Variants in PPM1K observed in about 807,000 individuals in gnomAD.
The protein encoded by PPM1K is protein phosphatase Mn(2+)-dependent 1K.
In PPM1K, 19 loss-of-function variants were observed where a neutral mutation model predicts 32.6. The ratio of observed to expected loss-of-function variants is 0.58; its 90% CI spans 0.41 to 0.86. PPM1K has a LOEUF of 0.86. Among genes scored for constraint, PPM1K ranks in the 40% least tolerant of loss-of-function variants. The probability of loss-of-function intolerance (pLI) is 0.00; values close to 1 mark genes in which losing one functional copy is unlikely to be tolerated. For missense variants in PPM1K, 362 were observed against 461.2 expected, an observed-to-expected ratio of 0.78 and a Z score of 1.97; for synonymous variants, 159 against 165.3, an observed-to-expected ratio of 0.96 and a Z score of 0.29.
chr4:88,271,205 C>T (rs558564041), intron 3 of PPM1K: 71 of 490,246 alleles, frequency 1.4e-4, no homozygotes, highest in African/African-American at 1.2e-3. Flanking sequence ...ACAAATAACA[C>T]GCACAGAGGC....
chr4:88,275,268 T>A lies in PPM1K; in HGVS notation c.541+1875A>T, dbSNP rs544073748. On this transcript the variant is annotated intron_variant, in intron 3 of 6. Coordinates refer to ENST00000608933, the MANE Select transcript of PPM1K (RefSeq NM_152542.5). The stretch of plus-strand genomic sequence containing the variant: ...TGCACAAGGACCATGCTGATCTCTG[T>A]ATCATTCCAATTTTAGTGTATGTGC... 6.5e-6 allele frequency: 5 copies of A among 766,950 alleles called. No individual in the cohort carries two copies. In the South Asian group the frequency reaches 3.0e-4, roughly 46 times the overall value. 47.5% of individuals were successfully genotyped at this position (766,950 alleles called of 1,614,324 possible). A position where few individuals can be genotyped will look rare whatever the true frequency, so the allele number is the denominator to read the frequency against.
At chr4:88,266,633 T>TGCTGATTGGGTGCAGGTGATGCTG (rs1167725561) in intron 5 of PPM1K, among the ~76,000 whole-genome samples, 13 of 141,810 alleles carry the variant, frequency 9.2e-5, no homozygotes, top group Non-Finnish European at 1.7e-4. Flanking sequence ...GTGCAGGTGA[T>TGCTGATTGGGTGCAGGTGATGCTG]GCTGATTGGG....
chr4:88,269,310 A>G (rs1285194068), intron 3 of PPM1K, among the ~76,000 whole-genome samples: 1 of 152,194 alleles, frequency 6.6e-6, no homozygotes, highest in Admixed American at 6.5e-5. Flanking sequence ...ACTTGAGCCC[A>G]TGGAGGCAAG....
rs1731077235 is a variant in PPM1K, at chr4:88,260,509, G to T, written c.*2086C>A. 1 of 151,902 alleles carries T rather than the reference G, an allele frequency of 6.6e-6. No individual in the cohort carries two copies. Among genetic ancestry groups the T allele is most frequent in the African/African-American group, 2.4e-5 (1 of 41,340 alleles). 9.4% of individuals were successfully genotyped at this position (151,902 alleles called of 1,614,324 possible). On this transcript the variant is annotated 3_prime_UTR_variant, in exon 7 of 7. Coordinates refer to ENST00000608933, the MANE Select transcript of PPM1K (RefSeq NM_152542.5). The stretch of plus-strand genomic sequence containing the variant: ...TTTCCCGCTTTAGTTGCCTCCCTTT[G>T]GTTCCTCACCTCTCAGACAACAAAC...
intron 1 of PPM1K, among the ~76,000 whole-genome samples, chr4:88,282,518 A>G (rs893971): frequency 0.32 from 48,872 of 152,154 alleles, 8,702 homozygotes; most frequent in Non-Finnish European, 0.4. Flanking sequence ...TAGAAAATCA[A>G]TTAAGGCATC....
intron 3 of PPM1K, among the ~76,000 whole-genome samples, chr4:88,273,563 C>T (rs1255561650): frequency 6.6e-6 from 1 of 152,000 alleles, no homozygotes; most frequent in Non-Finnish European, 1.5e-5. Flanking sequence ...CGCCTATAAT[C>T]CCAGGTACTT....
rs1467387265 is a variant in PPM1K, at chr4:88,278,296, C to T, written c.288G>A (p.Gly96=). 1.2e-6 allele frequency: 2 copies of T among 1,614,040 alleles called. No individual in the cohort carries two copies. The highest frequency in any genetic ancestry group is 4.5e-5 in the East Asian group (2 of 44,904). The change falls in exon 2 of 7, where the codon GGG becomes GGA. Residue 96 remains glycine (G), a synonymous_variant. Transcript: ENST00000608933. This position sits in a 1 kb window ranked among gnomAD's most constrained non-coding sequence, Gnocchi z 4.2. ...PIPKISLENV[G]CASQIGKRKE... ...TCCGTTTGCCAATCTGTGAGGCGCA[C>T]CCCACATTTTCCAAGCTGATTTTGG... is the stretch of plus-strand genomic sequence containing the variant.
rs189367469 is a variant in PPM1K at position 88,280,410 on chromosome 4, G to A, written c.-59-1768C>T. On this transcript the variant is annotated intron_variant, in intron 1 of 6. Transcript: ENST00000608933. ...ATAGAAGGCTGAAATTCATTTCTTC[G>A]TAAGACAACATTGTTGGGGGGTTGG... Among the ~76,000 whole-genome samples, 725 of 152,294 alleles carry A rather than the reference G, an allele frequency of 4.8e-3. 6 individuals carry two copies. The highest frequency in any genetic ancestry group is 0.018 in the South Asian group (85 of 4,830).
chr4:88,261,694 CTTTTTTTTT>C lies in PPM1K; in HGVS notation c.*892_*900del, dbSNP rs766683081. The stretch of plus-strand genomic sequence containing the variant: ...TCATCTGAATTAATTTCTTTTCTTT[CTTTTTTTTT>C]TTTTTTTTGAGATGGAGTTTTTCGC... On this transcript the variant is annotated 3_prime_UTR_variant, in exon 7 of 7. Coordinates refer to ENST00000608933, the MANE Select transcript of PPM1K (RefSeq NM_152542.5). The C allele has an allele frequency of 1.5e-5, 2 of 135,384 alleles. No homozygotes were observed. Among genetic ancestry groups the C allele is most frequent in the East Asian group, 4.1e-4 (2 of 4,874 alleles). 8.4% of individuals were successfully genotyped at this position (135,384 alleles called of 1,614,324 possible).
chr4:88,280,621 G>C (rs977957334), intron 1 of PPM1K, among the ~76,000 whole-genome samples: 3 of 152,174 alleles, frequency 2.0e-5, no homozygotes, highest in African/African-American at 7.2e-5. Context: ...AAATTAGTCA[G>C]GCGTGGTTCC....
chr4:88,272,702 T>A (rs901981067), intron 3 of PPM1K, among the ~76,000 whole-genome samples: 2 of 152,206 alleles, frequency 1.3e-5, no homozygotes, highest in African/African-American at 4.8e-5. Flanking sequence ...TAAGGACAGG[T>A]TGAAAATGCA....
intron 5 of PPM1K, among the ~76,000 whole-genome samples, chr4:88,265,442 GCT>G (rs1731268255): frequency 6.6e-6 from 1 of 152,154 alleles, no homozygotes. Flanking sequence ...CCCTGCACAT[GCT>G]CTCTTGCCTG....
chr4:88,275,386 CTTT>C (rs1437999864), intron 3 of PPM1K: 2 of 979,528 alleles, frequency 2.0e-6, no homozygotes, highest in African/African-American at 3.5e-5. Flanking sequence ...TAGAAAGTTT[CTTT>C]TAAGATAGGC....
intron 2 of PPM1K, chr4:88,277,520 T>C (rs981816928): frequency 6.0e-6 from 2 of 331,780 alleles, no homozygotes; most frequent in Admixed American, 4.4e-5. Context: ...TTCCTTCCCA[T>C]TGTGAGTTCT....
intron 1 of PPM1K, chr4:88,283,764 G>A (rs1008126103): frequency 6.6e-6 from 1 of 152,518 alleles, no homozygotes. Context: ...CGGACCTCCT[G>A]AAAAGCTCAC....
chr4:88,268,426 T>A lies in PPM1K; in HGVS notation c.708-92A>T, dbSNP rs561635765. On this transcript the variant is annotated intron_variant, in intron 4 of 6. Transcript: ENST00000608933. The stretch of plus-strand genomic sequence containing the variant: ...TCACGAGGTCAGGAGATCGAGACCA[T>A]CCTGGCTAACACGGTGAAACCCCGT... The A allele has an allele frequency of 5.6e-6, 8 of 1,434,014 alleles. No homozygotes were observed. The African/African-American group carries it at 1.1e-4, about 20-fold the overall frequency. The allele number at this position is 1,434,014 out of a possible 1,614,324, so 88.8% of individuals were successfully genotyped here. A position where few individuals can be genotyped will look rare whatever the true frequency, so the allele number is the denominator to read the frequency against.
rs1732159942 is a variant in PPM1K at position 88,284,461 on chromosome 4, A to T, written c.-115T>A. ...TTAATTAGCTAACGGAGGACGGGGG[A>T]GGAGCTTTCTTGGTCGGTAAATAAG... On this transcript the variant is annotated 5_prime_UTR_variant, in exon 1 of 7. Transcript: ENST00000608933. The T allele has an allele frequency of 6.6e-6, 1 of 152,270 alleles. No homozygotes were observed. Among genetic ancestry groups the T allele is most frequent in the Non-Finnish European group, 1.5e-5 (1 of 68,114 alleles). The allele number at this position is 152,270 out of a possible 1,614,324, so 9.4% of individuals were successfully genotyped here.
At position 88,277,192 on chromosome 4, in the gene PPM1K, A is replaced by G; in HGVS notation, c.492T>C (p.Phe164=). 1 of 1,614,122 alleles carries G rather than the reference A, an allele frequency of 6.2e-7. No individual in the cohort carries two copies. The highest frequency in any genetic ancestry group is 1.1e-5 in the South Asian group (1 of 91,082). The part of the protein sequence containing the change: ...KNLETLLTLA[F]LEIDKAFSSH... ...TCGAAAAGGCTTTATCTATTTCTAG[A>G]AAAGCCAAGGTCAACAGAGTTTCCA... Residue 164 remains phenylalanine (F), a synonymous_variant, in exon 3 of 7, where the codon TTT becomes TTC. Coordinates refer to ENST00000608933, the MANE Select transcript of PPM1K (RefSeq NM_152542.5).
Position 88,257,766 on chromosome 4 carries a change from C to T in PPM1K, c.*4829G>A, listed in dbSNP as rs1252642689. On this transcript the variant is annotated 3_prime_UTR_variant, in exon 7 of 7. Transcript: ENST00000608933. ...AACTCACTGCAGGAGTCATTATACA[C>T]TCAGGTAGTACTTTGGTAAATTACA... The T allele has an allele frequency of 1.3e-5, 2 of 152,208 alleles. No individual in the cohort carries two copies. Among genetic ancestry groups the T allele is most frequent in the Non-Finnish European group, 2.9e-5 (2 of 68,050 alleles). 9.4% of individuals were successfully genotyped at this position (152,208 alleles called of 1,614,324 possible).
Sources: allele counts gnomAD v4.1 joint callset (sites outside exome capture counted in the v4.1 genomes callset), GRCh38; gene constraint gnomAD v4.1.1; non-coding constraint Gnocchi (gnomAD v3.1); transcripts MANE v1.5; gene names NCBI Gene and HGNC (gene_info 2026-07-23, HGNC 2026-07-21).